The following KANK1 variants were observed in gnomAD, a reference collection of about 807,000 sequenced individuals.
The protein encoded by KANK1 is KN motif and ankyrin repeat domains 1.
KANK1 carries 109 observed loss-of-function variants against 106.2 expected under a neutral mutation model. The observed-to-expected ratio is 1.03, with a 90% CI of 0.88 to 1.20. KANK1 has a LOEUF of 1.20. KANK1 is among the 50% of genes most tolerant of loss of function. KANK1 has a pLI of 0.00. For missense variants in KANK1, 2,399 were observed against 1,710.7 expected, an observed-to-expected ratio of 1.40 and a Z score of -7.10; for synonymous variants, 873 against 652.2, an observed-to-expected ratio of 1.34 and a Z score of -5.16.
At chr9:527,050 G>A (rs1324996195) in intron 1 of KANK1, among the ~76,000 whole-genome samples, 1 of 151,744 alleles carries the variant, frequency 6.6e-6, no homozygotes, top group Non-Finnish European at 1.5e-5. Context: ...CCCACCCAGA[G>A]TTAATCATTG....
At chr9:742,989 G>T (rs1219393662) in intron 10 of KANK1, among the ~76,000 whole-genome samples, 1 of 152,114 alleles carries the variant, frequency 6.6e-6, no homozygotes. Context: ...CAGTTCCCAG[G>T]CTGTCCACAT....
chr9:696,381 C>A (rs563318369), intron 2 of KANK1, among the ~76,000 whole-genome samples: 1 of 152,178 alleles, frequency 6.6e-6, no homozygotes, highest in South Asian at 2.1e-4. Flanking sequence ...AACACAGTTC[C>A]GCGTATATAG....
At position 518,473 on chromosome 9, in the gene KANK1, G is replaced by A. The variant is rs528818006; in HGVS notation, c.-84+13719G>A. ...ACTTTTCGGCCAGACACTTCAAGGG[G>A]ATCTGATTCGATGTAGGGGAGGGGT... On this transcript the variant is annotated intron_variant, in intron 1 of 11. Transcript: ENST00000382297. 2.0e-3 allele frequency among the ~76,000 whole-genome samples: 299 copies of A among 151,816 alleles called. 6 individuals carry two copies. The highest frequency in any genetic ancestry group is 5.5e-3 in the African/African-American group (226 of 41,100).
intron 2 of KANK1, among the ~76,000 whole-genome samples, chr9:710,350 G>A (rs1825598231): frequency 6.6e-6 from 1 of 152,134 alleles, no homozygotes; most frequent in Non-Finnish European, 1.5e-5. Context: ...GGGCGCAGTG[G>A]CTCACGCCTG....
intron 1 of KANK1, chr9:539,771 A>T (rs2060490897): frequency 6.6e-6 from 1 of 152,136 alleles, no homozygotes; most frequent in African/African-American, 2.4e-5. Flanking sequence ...ACAGGTGTGA[A>T]CCATTGCACA....
intron 1 of KANK1, among the ~76,000 whole-genome samples, chr9:665,249 T>C (rs990123915): frequency 6.6e-6 from 1 of 152,178 alleles, no homozygotes; most frequent in African/African-American, 2.4e-5. Flanking sequence ...CCCAGACCAA[T>C]GTCCTGGAGC....
chr9:509,724 A>G (rs1324710710), intron 1 of KANK1, among the ~76,000 whole-genome samples: 1 of 152,138 alleles, frequency 6.6e-6, no homozygotes, highest in East Asian at 1.9e-4. Flanking sequence ...ATTTTTGTTT[A>G]TGTGGCTTGG....
intron 1 of KANK1, among the ~76,000 whole-genome samples, chr9:568,939 A>T (rs1249063010): frequency 6.6e-6 from 1 of 152,092 alleles, no homozygotes; most frequent in Non-Finnish European, 1.5e-5. Context: ...CGATTTCCAC[A>T]CTCATCGGGG....
intron 2 of KANK1, among the ~76,000 whole-genome samples, chr9:691,571 C>G (rs1310566240): frequency 7.0e-6 from 1 of 143,680 alleles, no homozygotes; most frequent in Non-Finnish European, 1.5e-5. Context: ...GATATTAAAT[C>G]TTAGTTTGGA....
intron 1 of KANK1, among the ~76,000 whole-genome samples, chr9:515,741 A>G (rs1053045232): frequency 6.6e-6 from 1 of 151,832 alleles, no homozygotes; most frequent in Non-Finnish European, 1.5e-5. Flanking sequence ...CTGATGCACC[A>G]TTTTTTAAAG....
At chr9:631,974 C>T (rs574875620) in intron 1 of KANK1, among the ~76,000 whole-genome samples, 1 of 152,286 alleles carries the variant, frequency 6.6e-6, no homozygotes, top group African/African-American at 2.4e-5. Context: ...TGTTAAATTA[C>T]AGTATGCCAT....
At chr9:508,675 T>C (rs2132730303) in intron 1 of KANK1, among the ~76,000 whole-genome samples, 1 of 151,482 alleles carries the variant, frequency 6.6e-6, no homozygotes, top group Non-Finnish European at 1.5e-5. Flanking sequence ...TCCTGGTTTC[T>C]TTCTCAACAT....
At chr9:605,790 G>T (rs1022264076) in intron 1 of KANK1, among the ~76,000 whole-genome samples, 2 of 151,730 alleles carry the variant, frequency 1.3e-5, no homozygotes, top group Non-Finnish European at 2.9e-5. Flanking sequence ...CAGTGCTTTG[G>T]ATTATGGGGA....
In KANK1 at chr9:712,644, G is replaced by A. The variant is rs1447800363; in HGVS notation, c.1878G>A (p.Arg626=). 5.6e-6 allele frequency: 9 copies of A among 1,614,162 alleles called. No homozygotes were observed. Among genetic ancestry groups the A allele is most frequent in the South Asian group, 3.3e-5 (3 of 91,080 alleles). The part of the protein sequence containing the change: ...LKTNLNLKEV[R]SIGCGDCSVD... ...CAAACTTGAATCTCAAAGAAGTGCGGTCTATCGGTTGTGGAGATTGTTCTG... is the reference window on the plus strand; with the variant it reads ...CAAACTTGAATCTCAAAGAAGTGCGATCTATCGGTTGTGGAGATTGTTCTG... The change falls in exon 3 of 12, where the codon CGG becomes CGA. Residue 626 remains arginine, a synonymous_variant. Coordinates refer to ENST00000382297, the MANE Select transcript of KANK1 (RefSeq NM_015158.5).
At chr9:726,995 G>A (rs1311785462) in intron 3 of KANK1, among the ~76,000 whole-genome samples, 7 of 152,226 alleles carry the variant, frequency 4.6e-5, no homozygotes, top group African/African-American at 1.2e-4. Flanking sequence ...TACCAAAGTA[G>A]GTTTATTTTC....
At chr9:718,339 G>T (rs1340521464) in intron 3 of KANK1, among the ~76,000 whole-genome samples, 3 of 128,860 alleles carry the variant, frequency 2.3e-5, no homozygotes, top group Non-Finnish European at 4.8e-5. Context: ...TTAAGACAGG[G>T]TCTCACTCTG....
At chr9:479,975 A>G (rs1051417369) in intron 3 of KANK1, among the ~76,000 whole-genome samples, 2 of 152,230 alleles carry the variant, frequency 1.3e-5, no homozygotes, top group African/African-American at 2.4e-5. Flanking sequence ...AAACAGAAAA[A>G]TATGGGTTTT....
At chr9:742,429 C>G (rs374139368) in intron 10 of KANK1, 24 bp downstream of exon 10, 4 of 1,590,014 alleles carry the variant, frequency 2.5e-6, no homozygotes, top group Non-Finnish European at 3.4e-6. Context: ...ATTGGGCCTC[C>G]TGGCCAGGGG....
chr9:726,170 C>T (rs188342496), intron 3 of KANK1, among the ~76,000 whole-genome samples: 1 of 151,070 alleles, frequency 6.6e-6, no homozygotes, highest in African/African-American at 2.5e-5. Context: ...CAAAAGACTT[C>T]AGATTCAGAT....
Sources: gnomAD v4.1 joint callset for allele counts (sites outside exome capture counted in the v4.1 genomes callset) on GRCh38, gnomAD v4.1.1 for gene constraint, MANE v1.5 for transcripts, NCBI Gene and HGNC (gene_info 2026-07-23, HGNC 2026-07-21) for gene names.